The following OSMR variants were observed in gnomAD, a reference collection of about 807,000 sequenced individuals.
OSMR encodes the protein oncostatin M receptor.
Under a neutral mutation model 99.9 loss-of-function variants are expected in OSMR, and 81 were observed. That is an observed-to-expected ratio of 0.81 (90% confidence interval 0.68 to 0.97). The LOEUF (loss-of-function observed/expected upper bound fraction) is 0.97, where lower values mean the gene tolerates loss of function less well. Ranked by LOEUF, OSMR falls within the 50% of genes least tolerant of loss-of-function variation. The probability of loss-of-function intolerance (pLI) is 0.00; values close to 1 mark genes in which losing one functional copy is unlikely to be tolerated. For synonymous variants in OSMR, 406 were observed against 410.4 expected (o/e 0.99, Z 0.13); for missense variants, 1,099 against 1,153.4 (o/e 0.95, Z 0.68).
intron 1 of OSMR, chr5:38,942,451 A>C: frequency 2.5e-6 from 2 of 788,540 alleles, no homozygotes. Context: ...ATAAATATCT[A>C]ATTTTTTTTT....
chr5:38,932,508 C>T lies in OSMR; in HGVS notation c.2340C>T (p.Ser780=). Residue 780 remains serine, a synonymous_variant, in exon 17 of 18, where the codon AGC becomes AGT. Transcript: ENST00000274276. ...CYPDIPDPYK[S]SILSLIKFKE... is the part of the protein sequence containing the mutation. ...CTGACATCCCTGACCCTTACAAGAG[C>T]AGCATCCTGTCATTAATAAAATTCA... 1 of 1,613,750 alleles carries T rather than the reference C, an allele frequency of 6.2e-7. No homozygotes were observed. Among genetic ancestry groups the T allele is most frequent in the Non-Finnish European group, 8.5e-7 (1 of 1,179,644 alleles).
chr5:38,888,593 A>T (rs76972935), intron 7 of OSMR, among the ~76,000 whole-genome samples: 131 of 152,326 alleles, frequency 8.6e-4, no homozygotes, highest in African/African-American at 3.1e-3. Flanking sequence ...CATTGTTAGC[A>T]TATATCCTTC....
chr5:38,919,301 A>T, intron 11 of OSMR: 1 of 1,479,348 alleles, frequency 6.8e-7, no homozygotes, highest in Non-Finnish European at 9.0e-7. Context: ...GGGATTCTTC[A>T]ACATACATGG....
In OSMR at chr5:38,919,004, C is replaced by T. The variant is rs763606577; in HGVS notation, c.1527C>T (p.Asn509=). Residue 509 remains asparagine (N), a synonymous_variant, in exon 11 of 18, where the codon AAC becomes AAT. Coordinates refer to ENST00000274276, the MANE Select transcript of OSMR (RefSeq NM_003999.3). Reference sequence around the variant, plus strand: ...CCTACCAAATCTGCGTCATAGCCAACAACAGTGTGGGTGCTTCTCCTGCTT... The same window carrying T: ...CCTACCAAATCTGCGTCATAGCCAATAACAGTGTGGGTGCTTCTCCTGCTT... ...RCSYQICVIA[N]NSVGASPASV... is the part of the protein sequence containing the mutation. 6.2e-7 allele frequency: 1 copy of T among 1,614,012 alleles called. No homozygotes were observed. Among genetic ancestry groups the T allele is most frequent in the African/African-American group, 1.3e-5 (1 of 74,908 alleles).
intron 7 of OSMR, among the ~76,000 whole-genome samples, chr5:38,901,447 C>T (rs1255089815): frequency 6.6e-6 from 1 of 152,080 alleles, no homozygotes; most frequent in Admixed American, 6.5e-5. Context: ...TCTGTTGAGC[C>T]TGTCTAATTT....
chr5:38,940,096 A>G (rs575253909), downstream of OSMR: 116 of 219,652 alleles, frequency 5.3e-4, no homozygotes, highest in African/African-American at 2.2e-3. Flanking sequence ...GGCAGATATG[A>G]TAAGGTATAC....
chr5:38,899,664 G>T (rs573595292), intron 7 of OSMR, among the ~76,000 whole-genome samples: 1 of 152,158 alleles, frequency 6.6e-6, no homozygotes, highest in Non-Finnish European at 1.5e-5. Context: ...AAGGCAACAG[G>T]TTCTCTTCTG....
At chr5:38,907,279 G>C (rs1579759865) in intron 9 of OSMR, among the ~76,000 whole-genome samples, 1 of 152,186 alleles carries the variant, frequency 6.6e-6, no homozygotes, top group African/African-American at 2.4e-5. Context: ...CAGGCGGCCT[G>C]CCCCTGCCGT....
In OSMR at chr5:38,876,484, CA is replaced by C. The variant is rs1205547586; in HGVS notation, c.246+115del. 8.8e-6 allele frequency: 7 copies of C among 796,680 alleles called. No homozygotes were observed. The African/African-American group carries it at 1.2e-4, about 14-fold the overall frequency. 49.4% of individuals were successfully genotyped at this position (796,680 alleles called of 1,614,324 possible). ...TCGTTTTGGAAATATATTAGCAGCT[CA>C]AAACAGTTTGTCTAAACAATTACAT... is the stretch of plus-strand genomic sequence containing the variant. On this transcript the variant is annotated intron_variant, in intron 3 of 17. Coordinates refer to ENST00000274276, the MANE Select transcript of OSMR (RefSeq NM_003999.3).
At chr5:38,920,189 C>T (rs1257516723) in intron 11 of OSMR, among the ~76,000 whole-genome samples, 1 of 152,140 alleles carries the variant, frequency 6.6e-6, no homozygotes, top group Non-Finnish European at 1.5e-5. Context: ...CGTGCCCTGC[C>T]TTCAGATGCC....
rs150706035 is a variant in OSMR, at chr5:38,846,870, C to A, written c.-14+483C>A. Among the ~76,000 whole-genome samples, 516 of 152,304 alleles carry A rather than the reference C, an allele frequency of 3.4e-3. 6 individuals are homozygous for A. Among genetic ancestry groups the A allele is most frequent in the African/African-American group, 0.012 (491 of 41,566 alleles). ...GCTGTGAGGGCACTGAAATCCGAGC[C>A]CGGCTCTCGCAGGCCAGGGCTTTAC... On this transcript the variant is annotated intron_variant, in intron 1 of 17. Coordinates refer to ENST00000274276, the MANE Select transcript of OSMR (RefSeq NM_003999.3).
chr5:38,886,027 T>G lies in OSMR; in HGVS notation c.840-12T>G, dbSNP rs749922814. 1 of 1,612,598 alleles carries G rather than the reference T, an allele frequency of 6.2e-7. No individual in the cohort carries two copies. The highest frequency in any genetic ancestry group is 1.3e-5 in the African/African-American group (1 of 74,894). On this transcript the variant is annotated splice_polypyrimidine_tract_variant and intron_variant, in intron 6 of 17. Coordinates refer to ENST00000274276, the MANE Select transcript of OSMR (RefSeq NM_003999.3). Reference sequence around the variant, plus strand: ...CTCGTAATGGTTGTGTTATTTTGTTTTGTTTTTAAAGATTTTCTGGGGAAA... The same window carrying G: ...CTCGTAATGGTTGTGTTATTTTGTTGTGTTTTTAAAGATTTTCTGGGGAAA...
At chr5:38,880,201 A>G (rs1743169356) in intron 3 of OSMR, among the ~76,000 whole-genome samples, 1 of 152,196 alleles carries the variant, frequency 6.6e-6, no homozygotes. Context: ...GGGGGCAGAC[A>G]TAATTAGTAG....
intron 2 of OSMR, among the ~76,000 whole-genome samples, chr5:38,870,258 T>C (rs1298555001): frequency 2.6e-5 from 4 of 152,166 alleles, no homozygotes; most frequent in Non-Finnish European, 4.4e-5. Context: ...TCGCTCACTC[T>C]GTCTTACTTG....
chr5:38,898,875 A>C (rs1318614589), intron 7 of OSMR, among the ~76,000 whole-genome samples: 3 of 151,886 alleles, frequency 2.0e-5, no homozygotes, highest in African/African-American at 7.3e-5. Flanking sequence ...TACATAAACA[A>C]ACAGGCAAAA....
At chr5:38,862,543 G>T (rs1476874044) in intron 1 of OSMR, among the ~76,000 whole-genome samples, 1 of 150,752 alleles carries the variant, frequency 6.6e-6, no homozygotes, top group Non-Finnish European at 1.5e-5. Flanking sequence ...GCCGGGCAGA[G>T]GGTCTCCTCA....
chr5:38,897,947 C>T (rs1744627224), intron 7 of OSMR, among the ~76,000 whole-genome samples: 1 of 152,020 alleles, frequency 6.6e-6, no homozygotes, highest in African/African-American at 2.4e-5. Context: ...TGGTTTTATT[C>T]CATTATGACC....
intron 2 of OSMR, 150 bp downstream of exon 2, chr5:38,869,267 C>G: frequency 2.6e-6 from 2 of 756,402 alleles, no homozygotes; most frequent in East Asian, 2.6e-5. Flanking sequence ...GTCAATCTCT[C>G]TAAGCAGTGG....
At chr5:38,913,692 C>CCAAT (rs1444245787) in intron 9 of OSMR, among the ~76,000 whole-genome samples, 1 of 152,148 alleles carries the variant, frequency 6.6e-6, no homozygotes, top group East Asian at 1.9e-4. Flanking sequence ...CCATCTCACA[C>CCAAT]CAATCAGAAA....
Sources: allele counts gnomAD v4.1 joint callset (sites outside exome capture counted in the v4.1 genomes callset), GRCh38; gene constraint gnomAD v4.1.1; transcripts MANE v1.5; gene names NCBI Gene and HGNC (gene_info 2026-07-23, HGNC 2026-07-21).